NLGN1: variants seen among roughly 807,000 people sequenced by gnomAD.
NLGN1 encodes the protein neuroligin-1.
NLGN1 carries 12 observed loss-of-function variants against 65.5 expected under a neutral mutation model. The ratio of observed to expected loss-of-function variants is 0.18; its 90% CI spans 0.12 to 0.30. The LOEUF is 0.30. NLGN1 is among the 10% of genes least tolerant of loss of function. The pLI is 1.00. For missense variants in NLGN1, 750 were observed against 1,007.1 expected, an observed-to-expected ratio of 0.74 and a Z score of 3.46; for synonymous variants, 350 against 359.5, an observed-to-expected ratio of 0.97 and a Z score of 0.30.
intron 1 of NLGN1, among the ~76,000 whole-genome samples, chr3:173,410,361 G>A (rs1174231375): frequency 6.6e-6 from 1 of 152,212 alleles, no homozygotes; most frequent in Admixed American, 6.5e-5. Flanking sequence ...CATTTATCAC[G>A]TATTTCCTAA....
intron 4 of NLGN1, among the ~76,000 whole-genome samples, chr3:173,944,584 AAT>A (rs375329246): frequency 3.5e-3 from 526 of 152,264 alleles, no homozygotes; most frequent in Middle Eastern, 0.01. Context: ...AAGGAATGGA[AAT>A]ATGATTCAAG....
chr3:173,903,755 C>T (rs545801569), intron 4 of NLGN1, among the ~76,000 whole-genome samples: 1 of 152,256 alleles, frequency 6.6e-6, no homozygotes, highest in Admixed American at 6.5e-5. Flanking sequence ...AAAGCTGGGA[C>T]AGTTAGTCTT....
intron 3 of NLGN1, among the ~76,000 whole-genome samples, chr3:173,691,542 T>C (rs73176523): frequency 0.022 from 3,344 of 152,230 alleles, 78 homozygotes; most frequent in South Asian, 0.11. Flanking sequence ...TTCATCTAGG[T>C]TCATGTGTGT....
At chr3:173,829,445 C>T (rs983880752) in intron 4 of NLGN1, among the ~76,000 whole-genome samples, 1 of 151,900 alleles carries the variant, frequency 6.6e-6, no homozygotes, top group East Asian at 1.9e-4. Flanking sequence ...ACAATGTGTA[C>T]AATGTGATGA....
intron 4 of NLGN1, among the ~76,000 whole-genome samples, chr3:174,013,005 C>T (rs1446459439): frequency 6.6e-6 from 1 of 152,098 alleles, no homozygotes; most frequent in Admixed American, 6.6e-5. Context: ...TACACATGGA[C>T]AGTAACATCA....
intron 4 of NLGN1, among the ~76,000 whole-genome samples, chr3:174,058,675 C>G (rs1371612753): frequency 6.6e-6 from 1 of 151,908 alleles, no homozygotes; most frequent in Non-Finnish European, 1.5e-5. Flanking sequence ...TAATAAGTCT[C>G]TTATTATTTT....
intron 4 of NLGN1, among the ~76,000 whole-genome samples, chr3:174,153,607 T>G (rs1200696147): frequency 6.6e-6 from 1 of 152,186 alleles, no homozygotes; most frequent in Non-Finnish European, 1.5e-5. Flanking sequence ...TTCTATTGAA[T>G]TTAAATTGAG....
At chr3:174,079,265 C>A (rs774579862) in intron 4 of NLGN1, among the ~76,000 whole-genome samples, 1 of 151,846 alleles carries the variant, frequency 6.6e-6, no homozygotes, top group South Asian at 2.1e-4. Flanking sequence ...GATATACATG[C>A]GGCCAACACT....
intron 2 of NLGN1, among the ~76,000 whole-genome samples, chr3:173,541,442 G>A (rs999818163): frequency 3.3e-5 from 5 of 152,032 alleles, no homozygotes; most frequent in Non-Finnish European, 7.4e-5. Context: ...AGAGAGGGTA[G>A]GAACATTAAT....
At chr3:173,476,664 A>G (rs1420879908) in intron 2 of NLGN1, among the ~76,000 whole-genome samples, 1 of 152,226 alleles carries the variant, frequency 6.6e-6, no homozygotes, top group Non-Finnish European at 1.5e-5. Flanking sequence ...AATCTGCTTT[A>G]TCCATTCTTA....
intron 3 of NLGN1, among the ~76,000 whole-genome samples, chr3:173,801,467 C>G (rs1023674029): frequency 2.0e-5 from 3 of 151,928 alleles, no homozygotes; most frequent in Non-Finnish European, 4.4e-5. Flanking sequence ...ACAAGGACAG[C>G]AAAAGTTTTG....
At chr3:173,646,257 C>A (rs1758258117) in intron 3 of NLGN1, among the ~76,000 whole-genome samples, 10 of 152,122 alleles carry the variant, frequency 6.6e-5, no homozygotes, top group Admixed American at 6.6e-4. Flanking sequence ...TTAATAGCTA[C>A]AGTGAAATTA....
Position 173,603,527 on chromosome 3 carries a change from T to C in NLGN1, c.-320-752T>C, listed in dbSNP as rs187052536. ...CATAAATTAATTTTTGCATTGCAAA[T>C]TTATTGATATCTATAATATATAGCA... On this transcript the variant is annotated intron_variant, in intron 2 of 6. Transcript: ENST00000457714. 3.1e-3 allele frequency among the ~76,000 whole-genome samples: 476 copies of C among 152,244 alleles called. 2 individuals carry two copies. Among genetic ancestry groups the C allele is most frequent in the African/African-American group, 0.011 (458 of 41,580 alleles).
Position 173,923,379 on chromosome 3 carries a change from A to G in NLGN1, c.646+115547A>G, listed in dbSNP as rs868808373. On this transcript the variant is annotated intron_variant, in intron 4 of 6. Transcript: ENST00000457714. ...ATTGAGATCTGCATCTTGAATGGTC[A>G]TACATACCCCACCCTAAAATGAATT... Among the ~76,000 whole-genome samples the G allele has an allele frequency of 2.6e-4, 39 of 152,252 alleles. No individual in the cohort carries two copies. In the Middle Eastern group the frequency reaches 0.014, roughly 53 times the overall value.
intron 3 of NLGN1, among the ~76,000 whole-genome samples, chr3:173,643,403 T>C (rs892268596): frequency 1.3e-5 from 2 of 151,992 alleles, no homozygotes; most frequent in Non-Finnish European, 2.9e-5. Context: ...AAAATAATGG[T>C]AATAAGAGCA....
intron 4 of NLGN1, among the ~76,000 whole-genome samples, chr3:173,910,328 T>C (rs1054848893): frequency 6.6e-6 from 1 of 152,162 alleles, no homozygotes; most frequent in Non-Finnish European, 1.5e-5. Context: ...GTTGAATAGC[T>C]TGGGAAGTAA....
chr3:173,803,300 C>G (rs2150420417), intron 3 of NLGN1, among the ~76,000 whole-genome samples: 1 of 152,080 alleles, frequency 6.6e-6, no homozygotes, highest in South Asian at 2.1e-4. Context: ...TTTAATGGTG[C>G]TAATAATGCC....
At chr3:173,898,943 A>AG (rs1349312922) in intron 4 of NLGN1, among the ~76,000 whole-genome samples, 56 of 152,284 alleles carry the variant, frequency 3.7e-4, no homozygotes, top group Admixed American at 2.8e-3. Flanking sequence ...AAACAATAGC[A>AG]ATAATAAAAA....
intron 4 of NLGN1, among the ~76,000 whole-genome samples, chr3:173,875,624 A>G (rs965652289): frequency 6.6e-6 from 1 of 152,196 alleles, no homozygotes; most frequent in Non-Finnish European, 1.5e-5. Context: ...AAAAAGTACC[A>G]TTATTTTTAA....
Sources: gnomAD v4.1 joint callset for allele counts (sites outside exome capture counted in the v4.1 genomes callset) on GRCh38, gnomAD v4.1.1 for gene constraint, MANE v1.5 for transcripts, NCBI Gene and HGNC (gene_info 2026-07-23, HGNC 2026-07-21) for gene names.